The following URB1 variants were observed in gnomAD, a reference collection of about 807,000 sequenced individuals.
URB1 encodes the protein URB1 ribosome biogenesis factor.
URB1 carries 197 observed loss-of-function variants against 242.3 expected under a neutral mutation model. The observed-to-expected ratio is 0.81, with a 90% CI of 0.72 to 0.91. The LOEUF (loss-of-function observed/expected upper bound fraction) is 0.91. URB1 is among the 40% of genes least tolerant of loss of function. URB1 has a pLI of 0.00. For synonymous variants in URB1, 1,153 were observed against 1,201.8 expected, an observed-to-expected ratio of 0.96 and a Z score of 0.84; for missense variants, 2,721 against 2,860.5, an observed-to-expected ratio of 0.95 and a Z score of 1.11.
rs528194072 is a variant in URB1 at position 32,366,638 on chromosome 21, T to C, written c.1315A>G (p.Met439Val). 2 of 1,551,470 alleles carry C rather than the reference T, an allele frequency of 1.3e-6. No individual in the cohort carries two copies. The highest frequency in any genetic ancestry group is 1.2e-5 in the South Asian group (1 of 84,050). The change falls in exon 10 of 39, where the codon ATG (methionine) becomes GTG (valine). Residue 439 changes from methionine (M) to valine (V), a missense_variant. Physicochemically the swap from Met to Val is conservative, Grantham distance 21 (BLOSUM62 1). Coordinates refer to ENST00000382751, the MANE Select transcript of URB1 (RefSeq NM_014825.3). ...CTTACGTTTAATGCTTGGGTGAACA[T>C]GCTCTTATTGCACACCAGGGGCACG... ...TTVPLVCNKS[M>V]FTQALNLDST...
At position 32,366,657 on chromosome 21, in the gene URB1, G is replaced by C. The variant is rs1413377259; in HGVS notation, c.1296C>G (p.Pro432=). Residue 432 remains proline (P), a synonymous_variant, in exon 10 of 39, where the codon CCC becomes CCG. Transcript: ENST00000382751. ...LLAMVMVTTV[P]LVCNKSMFTQ... is the part of the protein sequence containing the mutation. ...TGAACATGCTCTTATTGCACACCAG[G>C]GGCACGGTGGTCACCATCACCATTG... 6.4e-7 allele frequency: 1 copy of C among 1,551,350 alleles called. No individual in the cohort carries two copies. Among genetic ancestry groups the C allele is most frequent in the African/African-American group, 1.4e-5 (1 of 73,022 alleles).
intron 25 of URB1, among the ~76,000 whole-genome samples, chr21:32,340,257 G>T (rs538163700): frequency 5.3e-5 from 8 of 152,322 alleles, no homozygotes; most frequent in East Asian, 3.9e-4. Context: ...GAGCTGGAAT[G>T]TATCAAGGGT....
At chr21:32,339,747 T>TC (rs926898818) in intron 25 of URB1, among the ~76,000 whole-genome samples, 17 of 152,186 alleles carry the variant, frequency 1.1e-4, no homozygotes, top group African/African-American at 3.9e-4. Flanking sequence ...CGCCTCAGCC[T>TC]CCCAAAGTGC....
At chr21:32,359,380 C>T (rs2033259513) in intron 14 of URB1, among the ~76,000 whole-genome samples, 1 of 152,204 alleles carries the variant, frequency 6.6e-6, no homozygotes, top group South Asian at 2.1e-4. Context: ...GCAATGTCTA[C>T]TGATTCTTCC....
rs1204379436 is a variant in URB1, at chr21:32,317,027, G to A, written c.6073C>T (p.Arg2025Ter). 18 of 1,548,520 alleles carry A rather than the reference G, an allele frequency of 1.2e-5. No individual in the cohort carries two copies. Among genetic ancestry groups the A allele is most frequent in the African/African-American group, 6.9e-5 (5 of 72,816 alleles). The change falls in exon 38 of 39, where the codon CGA (arginine) becomes TGA (stop). Residue 2025 changes from arginine (R) to a stop codon, truncating the protein, a stop_gained. Coordinates refer to ENST00000382751, the MANE Select transcript of URB1 (RefSeq NM_014825.3). LOFTEE classifies it high-confidence loss of function. ...KDKNKPVMPA[R>*]AKGPRGRKRR... Reference sequence around the variant, plus strand: ...TTTCGGCCCCGTGGGCCTTTGGCTCGGGCTGGCATGACAGGCTTGTTCTTA... The same window carrying A: ...TTTCGGCCCCGTGGGCCTTTGGCTCAGGCTGGCATGACAGGCTTGTTCTTA...
chr21:32,319,191 G>A, intron 36 of URB1, 26 bp downstream of exon 36: 4 of 1,531,730 alleles, frequency 2.6e-6, no homozygotes, highest in East Asian at 2.5e-5. Flanking sequence ...GGCCAGAAGG[G>A]CCCCCCTGGC....
At position 32,317,609 on chromosome 21, in the gene URB1, G is replaced by A. The variant is rs1415511720; in HGVS notation, c.6034+67C>T. 9 of 1,521,042 alleles carry A rather than the reference G, an allele frequency of 5.9e-6. No individual in the cohort carries two copies. The Admixed American group carries it at 1.2e-4, about 21-fold the overall frequency. 94.2% of individuals were successfully genotyped at this position (1,521,042 alleles called of 1,614,324 possible). ...ATGTGGCTGAGAGACAGAGAGAGAG[G>A]GAGGGACGGACAGGGTGAGAGAGAC... On this transcript the variant is annotated intron_variant, in intron 37 of 38. Coordinates refer to ENST00000382751, the MANE Select transcript of URB1 (RefSeq NM_014825.3).
intron 10 of URB1, among the ~76,000 whole-genome samples, chr21:32,365,110 T>C (rs1344045868): frequency 1.3e-5 from 2 of 152,150 alleles, no homozygotes; most frequent in African/African-American, 4.8e-5. Context: ...CCCAGACTAC[T>C]AGGAGCAAGC....
At chr21:32,341,599 G>T in intron 24 of URB1, 75 bp from the exon 25 acceptor site, 1 of 1,403,112 alleles carries the variant, frequency 7.1e-7, no homozygotes, top group Non-Finnish European at 9.8e-7. Flanking sequence ...CAGCTGCAGA[G>T]CCTTCAGAAA....
At chr21:32,317,105 C>T in intron 37 of URB1, 40 bp from the exon 38 acceptor site, 1 of 1,478,856 alleles carries the variant, frequency 6.8e-7, no homozygotes, top group Non-Finnish European at 9.0e-7. Context: ...GACTGGGGTC[C>T]CTCCTGCCCA....
At chr21:32,326,521 T>C (rs1251440274) in intron 30 of URB1, among the ~76,000 whole-genome samples, 1 of 152,182 alleles carries the variant, frequency 6.6e-6, no homozygotes, top group Non-Finnish European at 1.5e-5. Flanking sequence ...TGGTTTGGAT[T>C]TGTGGCCCTA....
intron 1 of URB1, among the ~76,000 whole-genome samples, chr21:32,390,396 T>C (rs909707076): frequency 7.2e-5 from 11 of 152,328 alleles, no homozygotes; most frequent in South Asian, 4.1e-4. Flanking sequence ...CATTTTTTCA[T>C]GTGTCTTTTG....
chr21:32,363,395 T>G, intron 10 of URB1, 66 bp from the exon 11 acceptor site: 9 of 1,501,588 alleles, frequency 6.0e-6, no homozygotes, highest in Non-Finnish European at 6.2e-6. Flanking sequence ...AGCTATGGGC[T>G]TGGCTGGCAT....
intron 8 of URB1, among the ~76,000 whole-genome samples, chr21:32,371,794 A>T (rs2033408308): frequency 6.6e-6 from 1 of 151,416 alleles, no homozygotes; most frequent in Non-Finnish European, 1.5e-5. Flanking sequence ...AGATAGGATG[A>T]ACAGTAGTAA....
rs923194948 is a variant in URB1 at position 32,392,999 on chromosome 21, C to T, written c.-89G>A. ...ACAGACAGCAGACACGCGCTTCAGGCCCACATGGCGCAGGAAGAGGCGGGG... is the reference window on the plus strand; with the variant it reads ...ACAGACAGCAGACACGCGCTTCAGGTCCACATGGCGCAGGAAGAGGCGGGG... On this transcript the variant is annotated 5_prime_UTR_variant, in exon 1 of 39. Transcript: ENST00000382751. 2.2e-6 allele frequency: 3 copies of T among 1,390,322 alleles called. No homozygotes were observed. The highest frequency in any genetic ancestry group is 1.5e-5 in the South Asian group (1 of 64,986). 86.1% of individuals were successfully genotyped at this position (1,390,322 alleles called of 1,614,324 possible). A position where few individuals can be genotyped will look rare whatever the true frequency, so the allele number is the denominator to read the frequency against.
intron 20 of URB1, among the ~76,000 whole-genome samples, chr21:32,349,853 G>A (rs942496825): frequency 4.6e-5 from 7 of 152,144 alleles, no homozygotes; most frequent in Non-Finnish European, 8.8e-5. Flanking sequence ...CCAGCACTTC[G>A]GGAGGCTGTG....
At chr21:32,334,601 A>C (rs2032936105) in intron 28 of URB1, among the ~76,000 whole-genome samples, 1 of 152,110 alleles carries the variant, frequency 6.6e-6, no homozygotes, top group Admixed American at 6.5e-5. Context: ...CTTCATGTAG[A>C]TCAATTCACT....
Position 32,350,924 on chromosome 21 carries a change from T to C in URB1, c.2614-2A>G, listed in dbSNP as rs762711274. ...GGGGCTGCCCTGTGCCTGCAGCAGC[T>C]GAGGGAGACAGCAAAAGGCCGGGGA... On this transcript the variant is annotated splice_acceptor_variant, in intron 19 of 38. Transcript: ENST00000382751. LOFTEE classifies it high-confidence loss of function. 1.3e-6 allele frequency: 2 copies of C among 1,543,072 alleles called. No individual in the cohort carries two copies. The highest frequency in any genetic ancestry group is 2.4e-5 in the South Asian group (2 of 83,926).
rs553406369 is a variant in URB1 at position 32,317,706 on chromosome 21, T to C, written c.6004A>G (p.Ile2002Val). 1.9e-5 allele frequency: 29 copies of C among 1,551,796 alleles called. No homozygotes were observed. Among genetic ancestry groups the C allele is most frequent in the African/African-American group, 2.7e-5 (2 of 73,194 alleles). ...LKLQEDLRAA[I>V]EKAQARELMK... The stretch of plus-strand genomic sequence containing the variant: ...AGCTCCCGGGCTTGGGCCTTCTCAA[T>C]GGCTGCTCTCAGGTCTTCCTGGAGC... The change falls in exon 37 of 39, where the codon ATT (isoleucine) becomes GTT (valine). Residue 2002 changes from isoleucine to valine, a missense_variant. Physicochemically the swap from Ile to Val is conservative, Grantham distance 29. Transcript: ENST00000382751.
Sources: allele counts gnomAD v4.1 joint callset (sites outside exome capture counted in the v4.1 genomes callset), GRCh38; gene constraint gnomAD v4.1.1; transcripts MANE v1.5; gene names NCBI Gene and HGNC (gene_info 2026-07-23, HGNC 2026-07-21).